Variants in ADGRV1 observed in about 807,000 individuals in gnomAD.
ADGRV1 encodes the protein adhesion G protein-coupled receptor V1, also known as G-protein coupled receptor 98.
ADGRV1 carries 359 observed loss-of-function variants against 596.2 expected under a neutral mutation model. That is an observed-to-expected ratio of 0.60 (90% CI 0.55 to 0.66). The LOEUF (loss-of-function observed/expected upper bound fraction) is 0.66, where lower values mean the gene tolerates loss of function less well. ADGRV1 is among the 30% of genes least tolerant of loss of function. The probability of loss-of-function intolerance (pLI) is 0.00; values close to 1 mark genes in which losing one functional copy is unlikely to be tolerated. For synonymous variants in ADGRV1, 2,681 were observed against 2,679.2 expected, an observed-to-expected ratio of 1.00 and a Z score of -0.02; for missense variants, 7,274 against 7,575.6, an observed-to-expected ratio of 0.96 and a Z score of 1.48.
At chr5:91,040,842 A>G (rs1160593578) in intron 85 of ADGRV1, among the ~76,000 whole-genome samples, 1 of 152,226 alleles carries the variant, frequency 6.6e-6, no homozygotes, top group Non-Finnish European at 1.5e-5. Flanking sequence ...GACAACGGTC[A>G]TAACACCTTT....
In ADGRV1 at chr5:90,694,609, G is replaced by C. The variant is rs1179312092; in HGVS notation, c.7853G>C (p.Gly2618Ala). 6.2e-7 allele frequency: 1 copy of C among 1,613,708 alleles called. No homozygotes were observed. The highest frequency in any genetic ancestry group is 1.3e-5 in the African/African-American group (1 of 74,898). The change falls in exon 33 of 90, where the codon GGT becomes GCT. Residue 2618 changes from glycine (G) to alanine (A), a missense_variant. Around this residue, in one of 5 missense-constraint regions of ADGRV1, gnomAD observed 3,643 missense variants for 3,809.2 expected, o/e 0.96. Transcript: ENST00000405460. The part of the protein sequence containing the change: ...LMIHRTGGSL[G>A]QVAVEWRVVG... ...ATACACAGGACAGGGGGCAGCTTAG[G>C]TCAAGTGGCAGTCGAATGGCGTGTT...
Position 90,716,641 on chromosome 5 carries a change from T to C in ADGRV1, c.9359T>C (p.Ile3120Thr), listed in dbSNP as rs1488134056. 3 of 1,613,306 alleles carry C rather than the reference T, an allele frequency of 1.9e-6. No homozygotes were observed. The highest frequency in any genetic ancestry group is 2.5e-6 in the Non-Finnish European group (3 of 1,179,298). Residue 3120 changes from isoleucine to threonine, a missense_variant, in exon 43 of 90, where the codon ATT (isoleucine) becomes ACT (threonine). Physicochemically the swap from Ile to Thr is moderately conservative, Grantham distance 89. Coordinates refer to ENST00000405460, the MANE Select transcript of ADGRV1 (RefSeq NM_032119.4). ...GLFGTVTVQF[I>T]VTEVNSSNES... is the part of the protein sequence containing the mutation. ...TTTGGAACAGTGACAGTTCAGTTCA[T>C]TGTGACAGAAGTGAATTCCTCAAAT...
chr5:90,872,648 A>G (rs948503649), intron 83 of ADGRV1, among the ~76,000 whole-genome samples: 1 of 152,158 alleles, frequency 6.6e-6, no homozygotes, highest in African/African-American at 2.4e-5. Context: ...TAGTCAGTAT[A>G]TGTATTATTG....
chr5:90,877,137 A>T (rs1769292082), intron 83 of ADGRV1, among the ~76,000 whole-genome samples: 1 of 152,220 alleles, frequency 6.6e-6, no homozygotes, highest in Non-Finnish European at 1.5e-5. Context: ...GAAAGATGAG[A>T]TGTCTTCACC....
At chr5:90,972,944 T>G (rs1779189997) in intron 84 of ADGRV1, among the ~76,000 whole-genome samples, 1 of 151,960 alleles carries the variant, frequency 6.6e-6, no homozygotes. Context: ...ACAAAACTGA[T>G]AGACCACTAG....
chr5:90,704,316 G>T, intron 35 of ADGRV1, 73 bp from the exon 36 acceptor site: 1 of 892,926 alleles, frequency 1.1e-6, no homozygotes, highest in South Asian at 1.7e-5. Context: ...TTTATAAGGT[G>T]AATAAAAATA....
chr5:90,628,112 G>A (rs562661533), intron 7 of ADGRV1, among the ~76,000 whole-genome samples: 21 of 151,804 alleles, frequency 1.4e-4, no homozygotes, highest in African/African-American at 4.6e-4. Context: ...TTTCCGCCAG[G>A]CATGGTGACT....
Position 90,664,921 on chromosome 5 carries a change from A to C in ADGRV1, c.4752+6643A>C, listed in dbSNP as rs180879610. On this transcript the variant is annotated intron_variant, in intron 21 of 89. Transcript: ENST00000405460. ...GTTTATATGCTGGATTACATTTATTAATTTGCGTATATTGAACCAGCTTGC... is the reference window on the plus strand; with the variant it reads ...GTTTATATGCTGGATTACATTTATTCATTTGCGTATATTGAACCAGCTTGC... Among the ~76,000 whole-genome samples the C allele has an allele frequency of 2.6e-5, 4 of 151,288 alleles. No individual in the cohort carries two copies. In the South Asian group the frequency reaches 8.4e-4, roughly 32 times the overall value.
chr5:90,628,054 TCC>T, intron 7 of ADGRV1: 1 of 208,328 alleles, frequency 4.8e-6, no homozygotes, highest in Non-Finnish European at 9.4e-6. Flanking sequence ...GTATAGTAGT[TCC>T]CTAGGACACA....
At chr5:90,578,961 C>T (rs1049501222) in intron 1 of ADGRV1, among the ~76,000 whole-genome samples, 1 of 152,048 alleles carries the variant, frequency 6.6e-6, no homozygotes, top group Non-Finnish European at 1.5e-5. Flanking sequence ...GGTGATATAT[C>T]ATTTTTTATT....
intron 83 of ADGRV1, among the ~76,000 whole-genome samples, chr5:90,911,866 G>C (rs551823851): frequency 1.1e-4 from 16 of 152,158 alleles, no homozygotes; most frequent in African/African-American, 3.9e-4. Flanking sequence ...TGGTCCCACA[G>C]TTTCCTCCAG....
rs1317011747 is a variant in ADGRV1 at position 90,809,015 on chromosome 5, C to T, written c.14973-1218C>T. Reference sequence around the variant, plus strand: ...AGGCCGGACTGTAGTGGTGCTAGCTCGGCTCACTGCAAGCTCCGCCTCCCG... The same window carrying T: ...AGGCCGGACTGTAGTGGTGCTAGCTTGGCTCACTGCAAGCTCCGCCTCCCG... On this transcript the variant is annotated intron_variant, in intron 73 of 89. Transcript: ENST00000405460. 6.7e-5 allele frequency among the ~76,000 whole-genome samples: 10 copies of T among 149,496 alleles called. No individual in the cohort carries two copies. The South Asian group carries it at 8.5e-4, about 13-fold the overall frequency.
chr5:90,883,918 C>T (rs1770035101), intron 83 of ADGRV1, among the ~76,000 whole-genome samples: 1 of 152,170 alleles, frequency 6.6e-6, no homozygotes, highest in Non-Finnish European at 1.5e-5. Flanking sequence ...CTCTTCTCCT[C>T]CTTGCATGTA....
intron 77 of ADGRV1, among the ~76,000 whole-genome samples, chr5:90,838,561 G>A (rs1765166684): frequency 6.6e-6 from 1 of 152,132 alleles, no homozygotes; most frequent in African/African-American, 2.4e-5. Context: ...GTCGTCACTT[G>A]AATGTCTAAG....
At chr5:91,115,882 G>T (rs1792807558) in intron 87 of ADGRV1, among the ~76,000 whole-genome samples, 1 of 152,148 alleles carries the variant, frequency 6.6e-6, no homozygotes, top group Non-Finnish European at 1.5e-5. Flanking sequence ...TGGAGGCGGA[G>T]GTGGCAGTGA....
intron 77 of ADGRV1, among the ~76,000 whole-genome samples, chr5:90,832,788 T>C (rs1764631131): frequency 6.6e-6 from 1 of 152,192 alleles, no homozygotes; most frequent in African/African-American, 2.4e-5. Context: ...TGGTGAGAGA[T>C]AGGGATCTAG....
intron 87 of ADGRV1, among the ~76,000 whole-genome samples, chr5:91,146,001 C>A (rs1437204399): frequency 6.6e-6 from 1 of 152,154 alleles, no homozygotes; most frequent in African/African-American, 2.4e-5. Context: ...TTCAGGCCCA[C>A]AAGAAAGTTA....
intron 9 of ADGRV1, among the ~76,000 whole-genome samples, chr5:90,633,626 G>GTA (rs377033956): frequency 1.2e-3 from 178 of 150,812 alleles, no homozygotes; most frequent in South Asian, 8.4e-4. Context: ...ATATATATGT[G>GTA]TATATATATA....
intron 1 of ADGRV1, among the ~76,000 whole-genome samples, chr5:90,572,321 C>T (rs537501868): frequency 6.6e-6 from 1 of 151,978 alleles, no homozygotes; most frequent in African/African-American, 2.4e-5. Flanking sequence ...TACTTGGTGA[C>T]CTTTTGCATG....
Sources: allele counts gnomAD v4.1 joint callset (sites outside exome capture counted in the v4.1 genomes callset), GRCh38; gene constraint gnomAD v4.1.1; regional missense constraint gnomAD v4.1.1; transcripts MANE v1.5; gene names NCBI Gene and HGNC (gene_info 2026-07-23, HGNC 2026-07-21).